PROS1: variants seen among roughly 807,000 people sequenced by gnomAD.
PROS1 encodes the protein protein S.
Under a neutral mutation model 75.9 loss-of-function variants are expected in PROS1, and 29 were observed. That is an observed-to-expected ratio of 0.38 (90% CI 0.28 to 0.52). PROS1 has a LOEUF of 0.52. Ranked by LOEUF, PROS1 falls within the 20% of genes least tolerant of loss-of-function variation. The probability of loss-of-function intolerance (pLI) is 0.83; values close to 1 mark genes in which losing one functional copy is unlikely to be tolerated. For missense variants in PROS1, 680 were observed against 810.3 expected, an observed-to-expected ratio of 0.84 and a Z score of 1.95; for synonymous variants, 245 against 280.6, an observed-to-expected ratio of 0.87 and a Z score of 1.27.
chr3:93,906,676 A>G (rs529580579), intron 4 of PROS1, among the ~76,000 whole-genome samples: 9 of 152,352 alleles, frequency 5.9e-5, no homozygotes, highest in African/African-American at 1.9e-4. Flanking sequence ...GTGCAGCTGC[A>G]GCTGCCCAAG....
intron 2 of PROS1, among the ~76,000 whole-genome samples, chr3:93,925,251 A>G (rs758054872): frequency 6.6e-6 from 1 of 152,238 alleles, no homozygotes; most frequent in Non-Finnish European, 1.5e-5. Flanking sequence ...TTCTACACAA[A>G]GACATATTCA....
intron 1 of PROS1, among the ~76,000 whole-genome samples, chr3:93,933,045 C>T (rs1482746532): frequency 6.6e-6 from 1 of 152,166 alleles, no homozygotes; most frequent in Non-Finnish European, 1.5e-5. Context: ...TCCCTAGGCT[C>T]TTCTTATTTG....
intron 1 of PROS1, among the ~76,000 whole-genome samples, chr3:93,962,231 A>G (rs1239692282): frequency 6.6e-6 from 1 of 152,160 alleles, no homozygotes; most frequent in Non-Finnish European, 1.5e-5. Flanking sequence ...TTTTGGAGAA[A>G]GGATTAACAA....
In PROS1 at chr3:93,912,970, C is replaced by T. The variant is rs8178621; in HGVS notation, c.260-2265G>A. Among the ~76,000 whole-genome samples the T allele has an allele frequency of 2.0e-3, 300 of 152,276 alleles. 1 individual carries two copies. The highest frequency in any genetic ancestry group is 7.0e-3 in the African/African-American group (290 of 41,558). On this transcript the variant is annotated intron_variant, in intron 3 of 14. Transcript: ENST00000394236. ...TCATGTCCTTCTCATGTGCAAAATA[C>T]GTTCATTCCATCTCAGTAGTCCTGA...
At chr3:93,914,592 T>C (rs7641886) in intron 3 of PROS1, among the ~76,000 whole-genome samples, 148,208 of 152,270 alleles carry the variant, frequency 0.97, 72,170 homozygotes, top group Non-Finnish European at 0.98. Flanking sequence ...GAGAGGCAGC[T>C]TCAAAAATCT....
chr3:93,904,924 G>T (rs1028120238), intron 6 of PROS1, among the ~76,000 whole-genome samples: 2 of 152,068 alleles, frequency 1.3e-5, no homozygotes, highest in African/African-American at 4.8e-5. Flanking sequence ...GTCTGAAGAA[G>T]AAAAAGGAGT....
chr3:93,883,408 T>C (rs1344055635), intron 12 of PROS1, among the ~76,000 whole-genome samples: 1 of 151,986 alleles, frequency 6.6e-6, no homozygotes, highest in Non-Finnish European at 1.5e-5. Flanking sequence ...GAAACCAGCC[T>C]GGCCAACATG....
chr3:93,904,049 A>T (rs1708637168), intron 6 of PROS1, among the ~76,000 whole-genome samples: 1 of 142,536 alleles, frequency 7.0e-6, no homozygotes, highest in East Asian at 2.1e-4. Context: ...CCCACCTATG[A>T]GTGAGAATAT....
chr3:93,894,211 G>A (rs1264429856), intron 9 of PROS1, among the ~76,000 whole-genome samples: 1 of 152,128 alleles, frequency 6.6e-6, no homozygotes, highest in Admixed American at 6.6e-5. Context: ...GGCACCATTT[G>A]CAATGGGGCA....
chr3:93,901,034 G>A (rs1644566065), intron 6 of PROS1, 105 bp from the exon 7 acceptor site: 1 of 1,294,596 alleles, frequency 7.7e-7, no homozygotes, highest in African/African-American at 1.5e-5. Flanking sequence ...TATATGTAAT[G>A]AGATAACAGA....
chr3:93,931,527 A>C (rs1709104985), intron 1 of PROS1, among the ~76,000 whole-genome samples: 1 of 152,166 alleles, frequency 6.6e-6, no homozygotes, highest in African/African-American at 2.4e-5. Flanking sequence ...CTACTTTCCA[A>C]GAATGTCACC....
intron 3 of PROS1, among the ~76,000 whole-genome samples, chr3:93,916,414 C>A (rs1221577055): frequency 6.6e-6 from 1 of 152,122 alleles, no homozygotes; most frequent in Non-Finnish European, 1.5e-5. Flanking sequence ...AACCCCAGGC[C>A]AGACTACATT....
intron 1 of PROS1, among the ~76,000 whole-genome samples, chr3:93,929,593 A>G (rs1288774551): frequency 6.6e-6 from 1 of 152,250 alleles, no homozygotes; most frequent in African/African-American, 2.4e-5. Context: ...AGATACAGTA[A>G]GTTAAAATGC....
chr3:93,874,577 T>G (rs1161919892), intron 14 of PROS1, among the ~76,000 whole-genome samples, 172 bp from the exon 15 acceptor site: 1 of 152,312 alleles, frequency 6.6e-6, no homozygotes, highest in East Asian at 1.9e-4. Flanking sequence ...GATATACATG[T>G]TACTGTACTT....
chr3:93,943,474 C>A (rs567217972), intron 1 of PROS1, among the ~76,000 whole-genome samples: 1 of 152,188 alleles, frequency 6.6e-6, no homozygotes, highest in African/African-American at 2.4e-5. Context: ...TCACTTCTAA[C>A]AACCCCACAA....
rs1465244560 is a variant in PROS1 at position 93,928,801 on chromosome 3, T to C, written c.77-1394A>G. 6 of 1,164,288 alleles carry C rather than the reference T, an allele frequency of 5.2e-6. No homozygotes were observed. The South Asian group carries it at 6.6e-5, about 13-fold the overall frequency. 72.1% of individuals were successfully genotyped at this position (1,164,288 alleles called of 1,614,324 possible). A position where few individuals can be genotyped will look rare whatever the true frequency, so the allele number is the denominator to read the frequency against. On this transcript the variant is annotated intron_variant, in intron 1 of 14. Coordinates refer to ENST00000394236, the MANE Select transcript of PROS1 (RefSeq NM_000313.4). ...TCATTTCTAAAATATAAACAAACTA[T>C]AAAGAAAACAATATAAACAATCATA...
chr3:93,918,944 T>C (rs1452858504), intron 3 of PROS1, among the ~76,000 whole-genome samples: 1 of 152,216 alleles, frequency 6.6e-6, no homozygotes, highest in Non-Finnish European at 1.5e-5. Context: ...TTTTGTGTTA[T>C]ATATCACATC....
At chr3:93,927,894 T>C (rs1709045218) in intron 1 of PROS1, among the ~76,000 whole-genome samples, 1 of 142,982 alleles carries the variant, frequency 7.0e-6, no homozygotes, top group Non-Finnish European at 1.5e-5. Flanking sequence ...TGTATATATA[T>C]ATATATGTGT....
At chr3:93,876,442 A>G (rs1708188083) in intron 14 of PROS1, among the ~76,000 whole-genome samples, 1 of 152,004 alleles carries the variant, frequency 6.6e-6, no homozygotes. Flanking sequence ...CAAAAAGATT[A>G]GCCGGGTGTG....
Sources: allele counts gnomAD v4.1 joint callset (sites outside exome capture counted in the v4.1 genomes callset), GRCh38; gene constraint gnomAD v4.1.1; transcripts MANE v1.5; gene names NCBI Gene and HGNC (gene_info 2026-07-23, HGNC 2026-07-21).